Variants in EFCAB6 observed in about 807,000 individuals in gnomAD.
EFCAB6 encodes the protein EF-hand calcium binding domain 6, also known as EF-hand calcium-binding domain-containing protein 6.
In EFCAB6, 156 loss-of-function variants were observed where a neutral mutation model predicts 169.8. The observed-to-expected ratio is 0.92, with a 90% confidence interval of 0.81 to 1.05. The LOEUF (loss-of-function observed/expected upper bound fraction) is 1.05. EFCAB6 is among the 50% of genes least tolerant of loss of function. The pLI is 0.00. For synonymous variants in EFCAB6, 698 were observed against 676.4 expected (o/e 1.03, Z -0.50); for missense variants, 1,800 against 1,829.1 (o/e 0.98, Z 0.29).
At chr22:43,708,303 A>G (rs919815256) in intron 10 of EFCAB6, among the ~76,000 whole-genome samples, 1 of 151,896 alleles carries the variant, frequency 6.6e-6, no homozygotes, top group Non-Finnish European at 1.5e-5. Context: ...CTACTGGAGA[A>G]GCTGAGGCAG....
At chr22:43,578,930 G>T (rs2050465545) in intron 25 of EFCAB6, among the ~76,000 whole-genome samples, 2 of 149,542 alleles carry the variant, frequency 1.3e-5, no homozygotes, top group African/African-American at 5.0e-5. Flanking sequence ...GTACACGTAG[G>T]CATCATTGCT....
At chr22:43,632,595 C>A (rs531001662) in intron 18 of EFCAB6, among the ~76,000 whole-genome samples, 1 of 152,340 alleles carries the variant, frequency 6.6e-6, no homozygotes, top group East Asian at 1.9e-4. Flanking sequence ...CCACCACACC[C>A]GGCCCACTGG....
intron 20 of EFCAB6, among the ~76,000 whole-genome samples, chr22:43,617,450 C>A (rs1317555880): frequency 6.6e-6 from 1 of 152,194 alleles, no homozygotes; most frequent in East Asian, 1.9e-4. Context: ...ACCCTGATTT[C>A]TTTTCTAGAA....
At position 43,540,097 on chromosome 22, in the gene EFCAB6, C is replaced by G. The variant is rs780612474; in HGVS notation, c.3879+30G>C. The G allele has an allele frequency of 3.1e-6, 5 of 1,611,614 alleles. No homozygotes were observed. The Admixed American group carries it at 6.7e-5, about 21-fold the overall frequency. On this transcript the variant is annotated intron_variant, in intron 28 of 31. Coordinates refer to ENST00000262726, the MANE Select transcript of EFCAB6 (RefSeq NM_022785.4). The stretch of plus-strand genomic sequence containing the variant: ...ATTTGTGGATGTGGCATGAGGAGGC[C>G]TGGGACACCTGGCAGGATGGAGAAC...
At position 43,537,610 on chromosome 22, in the gene EFCAB6, C is replaced by G; in HGVS notation, c.3880-65G>C. 6.6e-7 allele frequency: 1 copy of G among 1,522,858 alleles called. No individual in the cohort carries two copies. Among genetic ancestry groups the G allele is most frequent in the South Asian group, 1.3e-5 (1 of 79,618 alleles). The allele number at this position is 1,522,858 out of a possible 1,614,324, so 94.3% of individuals were successfully genotyped here. ...TTTAAAACGGAAGTCATCAAAAATA[C>G]CTCAATACCTCCAGTTTTGAGGTTC... On this transcript the variant is annotated intron_variant, in intron 28 of 31. Transcript: ENST00000262726. This position sits in a 1 kb window ranked among gnomAD's most constrained non-coding sequence, Gnocchi z 4.3.
At chr22:43,626,172 C>T (rs750376636) in intron 20 of EFCAB6, among the ~76,000 whole-genome samples, 7 of 152,070 alleles carry the variant, frequency 4.6e-5, no homozygotes, top group Non-Finnish European at 8.8e-5. Context: ...ATGTGTGTCA[C>T]ACACACGTAT....
At chr22:43,689,945 G>A (rs1260224186) in intron 10 of EFCAB6, among the ~76,000 whole-genome samples, 4 of 152,118 alleles carry the variant, frequency 2.6e-5, no homozygotes. Context: ...TTTATCCAGG[G>A]GCAAAAGAAC....
At chr22:43,719,932 AC>A (rs973737297) in intron 8 of EFCAB6, among the ~76,000 whole-genome samples, 3 of 152,232 alleles carry the variant, frequency 2.0e-5, no homozygotes, top group Non-Finnish European at 2.9e-5. Flanking sequence ...TTACAAAAAA[AC>A]ATTATGTCAG....
chr22:43,548,886 A>G (rs533157577), intron 27 of EFCAB6, among the ~76,000 whole-genome samples: 1 of 152,202 alleles, frequency 6.6e-6, no homozygotes, highest in Non-Finnish European at 1.5e-5. Flanking sequence ...AAAAAAGACC[A>G]CACATCAGAA....
At chr22:43,618,815 C>T (rs1257969109) in intron 20 of EFCAB6, among the ~76,000 whole-genome samples, 1 of 152,112 alleles carries the variant, frequency 6.6e-6, no homozygotes, top group African/African-American at 2.4e-5. Context: ...ATAGCAGTGG[C>T]CAAAACGTTA....
At position 43,678,001 on chromosome 22, in the gene EFCAB6, A is replaced by C. The variant is rs371602131; in HGVS notation, c.1414T>G (p.Cys472Gly). 1.2e-6 allele frequency: 2 copies of C among 1,612,878 alleles called. No homozygotes were observed. The highest frequency in any genetic ancestry group is 1.3e-5 in the African/African-American group (1 of 74,860). ...SMFIDLIEEN[C>G]RMRKTSPCTD... is the part of the protein sequence containing the mutation. ...GAAGTTGTTACAAAACTCACCCTAC[A>C]GTTCTCTTCAATCAGATCAATAAAC... Residue 472 changes from cysteine (C) to glycine (G), a missense_variant, in exon 13 of 32, where the codon TGT (cysteine) becomes GGT (glycine). Transcript: ENST00000262726.
chr22:43,706,223 C>A (rs955777746), intron 10 of EFCAB6, among the ~76,000 whole-genome samples: 3 of 152,220 alleles, frequency 2.0e-5, no homozygotes, highest in African/African-American at 2.4e-5. Context: ...CCAGAACATA[C>A]CACGTGGGGC....
At chr22:43,529,806 A>G (rs2046950670) in intron 31 of EFCAB6, among the ~76,000 whole-genome samples, 1 of 152,100 alleles carries the variant, frequency 6.6e-6, no homozygotes, top group East Asian at 1.9e-4. Context: ...CTACCTCTGG[A>G]CTTCTTTTAT....
chr22:43,733,711 C>A (rs937465845), intron 7 of EFCAB6, among the ~76,000 whole-genome samples: 3 of 152,086 alleles, frequency 2.0e-5, no homozygotes, highest in East Asian at 3.9e-4. Context: ...GCTGCTCAGT[C>A]CCCCCTTTTT....
chr22:43,751,005 T>C (rs2060737775), intron 6 of EFCAB6, among the ~76,000 whole-genome samples: 1 of 152,232 alleles, frequency 6.6e-6, no homozygotes, highest in Non-Finnish European at 1.5e-5. Flanking sequence ...CACAGCCGAC[T>C]GGGTAGACCA....
rs769694276 is a variant in EFCAB6 at position 43,554,998 on chromosome 22, T to C, written c.3519A>G (p.Ala1173=). 2.5e-6 allele frequency: 4 copies of C among 1,614,174 alleles called. No homozygotes were observed. The East Asian group carries it at 8.9e-5, about 36-fold the overall frequency. The change falls in exon 27 of 32, where the codon GCA becomes GCG. Residue 1173 remains alanine (A), a synonymous_variant. Coordinates refer to ENST00000262726, the MANE Select transcript of EFCAB6 (RefSeq NM_022785.4). ...DRDILARLHK[A]VTSHYHAITQ... ...TGATGGCATGGTAATGGGAAGTCAC[T>C]GCTTTGTGGAGGCGAGCCAGGATGT...
At chr22:43,589,333 A>G (rs2051307284) in intron 24 of EFCAB6, among the ~76,000 whole-genome samples, 1 of 121,706 alleles carries the variant, frequency 8.2e-6, no homozygotes, top group Non-Finnish European at 1.8e-5. Flanking sequence ...AAGTACAGGT[A>G]CATTCACTAT....
intron 6 of EFCAB6, among the ~76,000 whole-genome samples, chr22:43,745,372 T>C (rs1013612942): frequency 1.3e-5 from 2 of 152,230 alleles, no homozygotes; most frequent in African/African-American, 4.8e-5. Context: ...AGCTTCTTCA[T>C]GCCACAGCAT....
intron 19 of EFCAB6, among the ~76,000 whole-genome samples, chr22:43,630,014 T>C (rs1434249016): frequency 6.6e-6 from 1 of 152,180 alleles, no homozygotes; most frequent in East Asian, 1.9e-4. Context: ...AAAAGATATA[T>C]GAGGCCAGGG....
Sources: gnomAD v4.1 joint callset for allele counts (sites outside exome capture counted in the v4.1 genomes callset) on GRCh38, gnomAD v4.1.1 for gene constraint, Gnocchi (gnomAD v3.1) non-coding constraint, MANE v1.5 for transcripts, NCBI Gene and HGNC (gene_info 2026-07-23, HGNC 2026-07-21) for gene names.